The following NPEPPS variants were observed in gnomAD, a reference collection of about 807,000 sequenced individuals.
NPEPPS encodes aminopeptidase puromycin sensitive, also known as puromycin-sensitive aminopeptidase.
NPEPPS carries 14 observed loss-of-function variants against 115.5 expected under a neutral mutation model. The ratio of observed to expected loss-of-function variants is 0.12; its 90% CI spans 0.08 to 0.19. The LOEUF (loss-of-function observed/expected upper bound fraction) is 0.19. NPEPPS is among the 10% of genes least tolerant of loss of function. The pLI is 1.00. For synonymous variants in NPEPPS, 285 were observed against 390.6 expected (o/e 0.73, Z 3.19); for missense variants, 523 against 1,110.8 (o/e 0.47, Z 7.52).
At chr17:47,528,410 G>A (rs184810113), upstream of NPEPPS, among the ~76,000 whole-genome samples, 4 of 152,278 alleles carry the variant, frequency 2.6e-5, no homozygotes, top group Non-Finnish European at 4.4e-5. Flanking sequence ...TAGTTTGAAA[G>A]GATTGCAGCT....
rs1910224385 is a variant in NPEPPS, at chr17:47,558,674, C to T, written c.341-10743C>T. 2.6e-5 allele frequency among the ~76,000 whole-genome samples: 4 copies of T among 152,320 alleles called. No homozygotes were observed. The East Asian group carries it at 7.7e-4, about 29-fold the overall frequency. ...GAACTCCTGTCCTCAGGTGATCTGC[C>T]TGCTTTGGCCTGAAGTGCTGGGATT... On this transcript the variant is annotated intron_variant, in intron 2 of 22. Coordinates refer to ENST00000322157, the MANE Select transcript of NPEPPS (RefSeq NM_006310.4).
rs534030380 is a variant in NPEPPS, at chr17:47,563,656, C to T, written c.341-5761C>T. 5.3e-5 allele frequency among the ~76,000 whole-genome samples: 8 copies of T among 151,794 alleles called. No individual in the cohort carries two copies. In the East Asian group the frequency reaches 5.9e-4, roughly 11 times the overall value. ...CACGATCTCGGCTCGCTGCAAGCTC[C>T]GCCTCCCGAGTTCACGCCATTTTCC... On this transcript the variant is annotated intron_variant, in intron 2 of 22. Coordinates refer to ENST00000322157, the MANE Select transcript of NPEPPS (RefSeq NM_006310.4).
At chr17:47,535,242 CAAAAAAA>C (rs1163530675) in intron 1 of NPEPPS, among the ~76,000 whole-genome samples, 2 of 57,112 alleles carry the variant, frequency 3.5e-5, no homozygotes, top group Admixed American at 2.1e-4. Flanking sequence ...GACTCTGTCT[CAAAAAAA>C]AAAAAAAAAA....
chr17:47,599,867 G>A (rs1475551925), intron 14 of NPEPPS, 128 bp downstream of exon 14: 18 of 742,730 alleles, frequency 2.4e-5, no homozygotes, highest in Admixed American at 1.7e-4. Flanking sequence ...GCCCAGGCTC[G>A]AGTGCCATAG....
At position 47,621,898 on chromosome 17, in the gene NPEPPS, A is replaced by G. The variant is rs891961141; in HGVS notation, c.2738A>G (p.Lys913Arg). 5 of 1,612,970 alleles carry G rather than the reference A, an allele frequency of 3.1e-6. No individual in the cohort carries two copies. The highest frequency in any genetic ancestry group is 1.3e-5 in the African/African-American group (1 of 75,036). The change falls in exon 23 of 23, where the codon AAG (lysine) becomes AGG (arginine). Residue 913 changes from lysine to arginine, a missense_variant. Lys to Arg is a conservative substitution (Grantham distance 26). Transcript: ENST00000322157. ...ATCCACCAGTACCTCCTTCAGCGGA[A>G]GGCCTCACCACCCACAGTGTGAATC... The part of the protein sequence containing the change: ...ESIHQYLLQR[K>R]ASPPTV
chr17:47,561,923 A>G (rs975882115), intron 2 of NPEPPS, among the ~76,000 whole-genome samples: 6 of 152,186 alleles, frequency 3.9e-5, no homozygotes, highest in Admixed American at 6.5e-5. Flanking sequence ...CTTTTGTCCA[A>G]TCATATTTCT....
intron 14 of NPEPPS, among the ~76,000 whole-genome samples, chr17:47,601,030 C>A (rs1037260484): frequency 7.9e-5 from 12 of 151,996 alleles, no homozygotes; most frequent in Non-Finnish European, 1.8e-4. Context: ...TGAGACCAGC[C>A]TGGCCAATAT....
At chr17:47,577,665 T>C (rs1287074546) in intron 3 of NPEPPS, among the ~76,000 whole-genome samples, 1 of 152,190 alleles carries the variant, frequency 6.6e-6, no homozygotes, top group African/African-American at 2.4e-5. Context: ...CAATTAAGCT[T>C]CAGTTGAGTT....
chr17:47,531,868 C>T (rs1233197812), intron 1 of NPEPPS, among the ~76,000 whole-genome samples: 13 of 152,116 alleles, frequency 8.5e-5, no homozygotes, highest in Admixed American at 2.6e-4. Context: ...GTGGGGCTTT[C>T]CCCCCCGCCC....
chr17:47,560,854 C>G (rs566619073), intron 2 of NPEPPS, among the ~76,000 whole-genome samples: 2 of 152,142 alleles, frequency 1.3e-5, no homozygotes, highest in African/African-American at 4.8e-5. Context: ...TGTGTTTGAT[C>G]TAGTACTGAG....
intron 2 of NPEPPS, among the ~76,000 whole-genome samples, chr17:47,568,888 C>A (rs2143800559): frequency 6.6e-6 from 1 of 150,714 alleles, no homozygotes; most frequent in East Asian, 2.0e-4. Flanking sequence ...CTCCTGACCC[C>A]AGGTGACCCG....
intron 10 of NPEPPS, chr17:47,591,655 A>G (rs62074016): frequency 0.39 from 95,100 of 242,586 alleles, 19,866 homozygotes; most frequent in Admixed American, 0.45. Context: ...CTTCACCTCC[A>G]TATCTTCCTC....
rs372671481 is a variant in NPEPPS at position 47,621,759 on chromosome 17, T to C, written c.2608-9T>C. On this transcript the variant is annotated splice_polypyrimidine_tract_variant and intron_variant, in intron 22 of 22. Coordinates refer to ENST00000322157, the MANE Select transcript of NPEPPS (RefSeq NM_006310.4). ...TAATGATCCTGCATTCTGGGTTGTTTTATACCAGGCTTTCTTCGAGAGTCA... is the reference window on the plus strand; with the variant it reads ...TAATGATCCTGCATTCTGGGTTGTTCTATACCAGGCTTTCTTCGAGAGTCA... 3 of 1,602,284 alleles carry C rather than the reference T, an allele frequency of 1.9e-6. No homozygotes were observed. The highest frequency in any genetic ancestry group is 2.6e-6 in the Non-Finnish European group (3 of 1,171,094).
chr17:47,610,845 CTTTTTTTTT>C (rs59893483), intron 17 of NPEPPS, among the ~76,000 whole-genome samples: 12 of 100,112 alleles, frequency 1.2e-4, no homozygotes, highest in South Asian at 3.1e-4. Flanking sequence ...TATGATGACT[CTTTTTTTTT>C]TTTTTTTTTT....
At chr17:47,602,349 C>T (rs1339562541) in intron 15 of NPEPPS, among the ~76,000 whole-genome samples, 8 of 151,928 alleles carry the variant, frequency 5.3e-5, no homozygotes, top group Admixed American at 2.0e-4. Flanking sequence ...GCCCGCCGAA[C>T]GCTGTGGTAG....
chr17:47,569,019 TG>T (rs1366657285), intron 2 of NPEPPS, among the ~76,000 whole-genome samples: 1 of 152,214 alleles, frequency 6.6e-6, no homozygotes, highest in Non-Finnish European at 1.5e-5. Flanking sequence ...TACTTACCTT[TG>T]GGGGAACAGA....
At chr17:47,587,197 A>C (rs768468235) in intron 8 of NPEPPS, 33 bp from the exon 9 acceptor site, 279 of 1,525,026 alleles carry the variant, frequency 1.8e-4, no homozygotes, top group Non-Finnish European at 2.2e-4. Flanking sequence ...TTTATTGTTT[A>C]AATTTGTTTC....
chr17:47,601,159 C>T (rs749225187), intron 14 of NPEPPS, among the ~76,000 whole-genome samples: 2 of 151,904 alleles, frequency 1.3e-5, no homozygotes, highest in Non-Finnish European at 2.9e-5. Flanking sequence ...TTCTTGAACC[C>T]GGGAGGTGGA....
At chr17:47,578,366 C>T (rs1911659253) in intron 3 of NPEPPS, among the ~76,000 whole-genome samples, 1 of 151,886 alleles carries the variant, frequency 6.6e-6, no homozygotes, top group Non-Finnish European at 1.5e-5. Flanking sequence ...GTTAGACTTC[C>T]CATGCTTTAA....
Sources: allele counts gnomAD v4.1 joint callset (sites outside exome capture counted in the v4.1 genomes callset), GRCh38; gene constraint gnomAD v4.1.1; transcripts MANE v1.5; gene names NCBI Gene and HGNC (gene_info 2026-07-23, HGNC 2026-07-21).